Variants in HDX observed in about 807,000 individuals in gnomAD.
The protein encoded by HDX is chromosome X open reading frame 43.
Under a neutral mutation model 45.2 loss-of-function variants are expected in HDX, and 19 were observed. The ratio of observed to expected loss-of-function variants is 0.42; its 90% CI spans 0.29 to 0.62. The LOEUF (loss-of-function observed/expected upper bound fraction) is 0.62, where lower values mean the gene tolerates loss of function less well. HDX is among the 20% of genes least tolerant of loss of function. HDX has a pLI of 0.20. For synonymous variants in HDX, 188 were observed against 172.8 expected (o/e 1.09, Z -0.69); for missense variants, 532 against 493.9 (o/e 1.08, Z -0.73).
intron 5 of HDX, among the ~76,000 whole-genome samples, chrX:84,400,882 C>T (rs143955562): frequency 0.011 from 1,229 of 110,748 alleles, 18 homozygotes; most frequent in African/African-American, 0.038. Flanking sequence ...AGAACAGAGA[C>T]CTCAAAAATA....
At chrX:84,326,138 C>T in intron 10 of HDX, 40 bp downstream of exon 10, 1 of 1,184,210 alleles carries the variant, frequency 8.4e-7, no homozygotes, top group Non-Finnish European at 1.1e-6. Context: ...CATTTTTTGA[C>T]TTGATACATT....
At chrX:84,337,962 C>T (rs1017514214) in intron 7 of HDX, among the ~76,000 whole-genome samples, 5 of 111,097 alleles carry the variant, frequency 4.5e-5, no homozygotes, top group Admixed American at 9.6e-5. Flanking sequence ...CAATGTTCCT[C>T]TCTCTCTCTT....
At chrX:84,484,624 T>C (rs1458214346) in intron 2 of HDX, among the ~76,000 whole-genome samples, 2 of 111,965 alleles carry the variant, frequency 1.8e-5, no homozygotes, top group African/African-American at 6.5e-5. Flanking sequence ...GTTGAACTAA[T>C]TTACTTATAT....
chrX:84,354,328 C>T (rs939445261), intron 6 of HDX, among the ~76,000 whole-genome samples: 1 of 111,364 alleles, frequency 9.0e-6, no homozygotes, highest in Non-Finnish European at 1.9e-5. Context: ...CAATATGAAG[C>T]TATATTCCAA....
chrX:84,410,439 T>A (rs5968315), intron 5 of HDX, among the ~76,000 whole-genome samples: 1 of 111,546 alleles, frequency 9.0e-6, no homozygotes. Flanking sequence ...TGTGTGTGTG[T>A]GCGCACGTTT....
chrX:84,389,777 A>C (rs1024957932), intron 5 of HDX, among the ~76,000 whole-genome samples: 2 of 110,754 alleles, frequency 1.8e-5, no homozygotes, highest in African/African-American at 6.6e-5. Context: ...TCTCCACCGG[A>C]GCTGCCCAGT....
At chrX:84,467,055 G>T (rs1167983810) in intron 4 of HDX, among the ~76,000 whole-genome samples, 2 of 111,057 alleles carry the variant, frequency 1.8e-5, no homozygotes, top group Admixed American at 1.9e-4. Context: ...GATCTTAATG[G>T]TATGATTCAA....
chrX:84,416,317 T>C (rs2039101366), intron 5 of HDX, among the ~76,000 whole-genome samples: 1 of 111,609 alleles, frequency 9.0e-6, no homozygotes, highest in African/African-American at 3.3e-5. Flanking sequence ...CAAACTTGAT[T>C]AACTACTGGT....
In HDX at chrX:84,469,512, T is replaced by C. The variant is rs2040416850; in HGVS notation, c.211A>G (p.Thr71Ala). The change falls in exon 4 of 11, where the codon ACA becomes GCA. Residue 71 changes from threonine (T) to alanine (A), a missense_variant. Thr to Ala is a moderately conservative substitution (Grantham distance 58). This residue lies in a region of HDX where 376 missense variants were observed against 343.7 expected (regional missense o/e 1.09). Transcript: ENST00000373177. Reference protein sequence around the residue: ...SKNSESGTATTGTSLSAPDIT... With the variant: ...SKNSESGTATAGTSLSAPDIT... ...TCTGGAGCTGACAAAGAGGTTCCTG[T>C]TGTTGCTGTTCCAGATTCAGAGTTC... 2.5e-6 allele frequency: 3 copies of C among 1,204,871 alleles called. No individual in the cohort carries two copies. Among genetic ancestry groups the C allele is most frequent in the East Asian group, 3.0e-5 (1 of 33,757 alleles).
chrX:84,496,505 A>G (rs753548267), intron 1 of HDX, among the ~76,000 whole-genome samples: 1 of 110,514 alleles, frequency 9.0e-6, no homozygotes, highest in South Asian at 3.9e-4. Flanking sequence ...TCTATGGAAC[A>G]CACTTTGAAT....
At position 84,320,992 on chromosome X, in the gene HDX, A is replaced by T. The variant is rs944406428; in HGVS notation, c.*897T>A. 1 of 110,954 alleles carries T rather than the reference A, an allele frequency of 9.0e-6. No individual in the cohort carries two copies. Among genetic ancestry groups the T allele is most frequent in the African/African-American group, 3.3e-5 (1 of 30,709 alleles). 9.1% of individuals were successfully genotyped at this position (110,954 alleles called of 1,213,427 possible). A position where few individuals can be genotyped will look rare whatever the true frequency, so the allele number is the denominator to read the frequency against. Reference sequence around the variant, plus strand: ...GGCAAAGCTGAATGACTAAATTTTTAAAAAATCTCAGCAGCTTACCTTGAC... The same window carrying T: ...GGCAAAGCTGAATGACTAAATTTTTTAAAAATCTCAGCAGCTTACCTTGAC... On this transcript the variant is annotated 3_prime_UTR_variant, in exon 11 of 11. Transcript: ENST00000373177.
intron 1 of HDX, 71 bp downstream of exon 1, chrX:84,502,270 AG>A (rs1296337833): frequency 9.1e-6 from 1 of 109,596 alleles, no homozygotes; most frequent in Non-Finnish European, 1.9e-5. Context: ...GCCCCAAACT[AG>A]GAAAAGCATT....
rs2147736306 is a variant in HDX, at chrX:84,319,721, G to A, written c.*2168C>T. 9.0e-6 allele frequency: 1 copy of A among 111,243 alleles called. No homozygotes were observed. The highest frequency in any genetic ancestry group is 3.7e-4 in the South Asian group (1 of 2,690). 9.2% of individuals were successfully genotyped at this position (111,243 alleles called of 1,213,427 possible). A position where few individuals can be genotyped will look rare whatever the true frequency, so the allele number is the denominator to read the frequency against. The stretch of plus-strand genomic sequence containing the variant: ...ATCCTTCTAAGAATCACACCTAGCA[G>A]AACCTTAAATCTATTAAAAATTCTA... On this transcript the variant is annotated 3_prime_UTR_variant, in exon 11 of 11. Coordinates refer to ENST00000373177, the MANE Select transcript of HDX (RefSeq NM_001177479.2).
At chrX:84,471,807 A>T (rs1680120458) in intron 3 of HDX, among the ~76,000 whole-genome samples, 1 of 110,501 alleles carries the variant, frequency 9.0e-6, no homozygotes, top group African/African-American at 3.3e-5. Context: ...AAGCAGAAAG[A>T]TGTATGAATA....
intron 5 of HDX, among the ~76,000 whole-genome samples, chrX:84,429,277 A>G (rs1278027858): frequency 1.2e-5 from 1 of 82,403 alleles, no homozygotes; most frequent in African/African-American, 3.6e-5. Context: ...TTGTAGGGAA[A>G]ATGATATCTT....
chrX:84,447,149 C>T (rs1186087740), intron 4 of HDX, among the ~76,000 whole-genome samples: 1 of 111,609 alleles, frequency 9.0e-6, no homozygotes, highest in African/African-American at 3.3e-5. Flanking sequence ...CTGGAAGATG[C>T]CGGAATGACA....
In HDX at chrX:84,405,435, A is replaced by G. The variant is rs183630144; in HGVS notation, c.1305+35097T>C. Among the ~76,000 whole-genome samples, 214 of 110,217 alleles carry G rather than the reference A, an allele frequency of 1.9e-3. 1 individual carries two copies. Among genetic ancestry groups the G allele is most frequent in the African/African-American group, 6.8e-3 (206 of 30,491 alleles). On this transcript the variant is annotated intron_variant, in intron 5 of 10. Coordinates refer to ENST00000373177, the MANE Select transcript of HDX (RefSeq NM_001177479.2). ...CAGACAAGAAGAAATGCTTCTCAAA[A>G]GTAGCATTAAGTGAATTAAAACTAT...
At chrX:84,322,077 A>G in intron 10 of HDX, 63 bp from the exon 11 acceptor site, 1 of 722,213 alleles carries the variant, frequency 1.4e-6, no homozygotes, top group South Asian at 4.0e-5. Context: ...AATTTATATT[A>G]ATAGTTGTAG....
chrX:84,495,574 A>G (rs1479725211), intron 1 of HDX, among the ~76,000 whole-genome samples: 3 of 111,905 alleles, frequency 2.7e-5, no homozygotes, highest in Non-Finnish European at 5.7e-5. Context: ...AAAAATAAAG[A>G]AATTGCATAA....
Sources: gnomAD v4.1 joint callset for allele counts (sites outside exome capture counted in the v4.1 genomes callset) on GRCh38, gnomAD v4.1.1 for gene constraint, gnomAD v4.1.1 regional missense constraint, MANE v1.5 for transcripts, NCBI Gene and HGNC (gene_info 2026-07-23, HGNC 2026-07-21) for gene names.